Variants in KLF3 observed in about 807,000 individuals in gnomAD.
KLF3 encodes KLF transcription factor 3, also known as Krueppel-like factor 3.
A neutral mutation model predicts 32.7 loss-of-function variants in KLF3; 6 were observed. The ratio of observed to expected loss-of-function variants is 0.18; its 90% CI spans 0.10 to 0.36. The LOEUF is 0.36. KLF3 is among the 10% of genes least tolerant of loss of function. The pLI, the probability that KLF3 is intolerant of heterozygous loss-of-function variation, is 1.00. For synonymous variants in KLF3, 145 were observed against 172.8 expected (o/e 0.84, Z 1.26); for missense variants, 338 against 449.7 (o/e 0.75, Z 2.25).
intron 1 of KLF3, among the ~76,000 whole-genome samples, chr4:38,666,870 CTA>C (rs1560411950): frequency 6.6e-6 from 1 of 152,034 alleles, no homozygotes; most frequent in African/African-American, 2.4e-5. Flanking sequence ...CAGCAGTGCT[CTA>C]TCTTTTTTCC....
Position 38,693,053 on chromosome 4 carries a change from CAT to C in KLF3, c.696-1682_696-1681del, listed in dbSNP as rs557763955. Reference sequence around the variant, plus strand: ...TTTGCTGTGTTCTCTGCTGTTTGCACATATATATATATGTATATATATACACA... The same window carrying C: ...TTTGCTGTGTTCTCTGCTGTTTGCACATATATATATGTATATATATACACA... On this transcript the variant is annotated intron_variant, in intron 4 of 5. Coordinates refer to ENST00000261438, the MANE Select transcript of KLF3 (RefSeq NM_016531.6). Among the ~76,000 whole-genome samples the C allele has an allele frequency of 7.8e-3, 1,107 of 142,148 alleles. 12 individuals are homozygous for C. Among genetic ancestry groups the C allele is most frequent in the African/African-American group, 0.022 (874 of 38,872 alleles). The allele number at this position is 142,148 out of a possible 152,430, so 93.3% of individuals were successfully genotyped here. A position where few individuals can be genotyped will look rare whatever the true frequency, so the allele number is the denominator to read the frequency against.
chr4:38,689,667 G>A (rs1282299158), intron 3 of KLF3, 62 bp from the exon 4 acceptor site: 1 of 1,256,586 alleles, frequency 8.0e-7, no homozygotes, highest in Non-Finnish European at 1.1e-6. Flanking sequence ...TATGCAGTAA[G>A]CTTTTAAAAG....
rs367856613 is a variant in KLF3 at position 38,672,233 on chromosome 4, G to T, written c.-40+7772G>T. ...GTGGAACTCCTACTATAAGCTAAGT[G>T]CTCTTATGTTAGCTCCTTAGGCTTG... On this transcript the variant is annotated intron_variant, in intron 1 of 5. Transcript: ENST00000261438. 1.8e-4 allele frequency among the ~76,000 whole-genome samples: 28 copies of T among 152,288 alleles called. No homozygotes were observed. The South Asian group carries it at 2.5e-3, about 14-fold the overall frequency.
chr4:38,690,288 G>A, intron 4 of KLF3: 1 of 161,712 alleles, frequency 6.2e-6, no homozygotes, highest in Non-Finnish European at 1.3e-5. Context: ...AGAGTGTATA[G>A]TATCCTGTAG....
chr4:38,688,312 A>G lies in KLF3; in HGVS notation c.58-273A>G, dbSNP rs894052455. On this transcript the variant is annotated intron_variant, in intron 2 of 5. Transcript: ENST00000261438. The surrounding 1 kb of genome is among the most constrained non-coding windows in gnomAD (Gnocchi z 4.9). ...ATCGGCCTTAATGTTTGACACAGGA[A>G]TCATCTTAGGATTAAATTTCAGATT... Among the ~76,000 whole-genome samples, 2 of 152,188 alleles carry G rather than the reference A, an allele frequency of 1.3e-5. No individual in the cohort carries two copies. The highest frequency in any genetic ancestry group is 2.9e-5 in the Non-Finnish European group (2 of 68,030).
rs1177828305 is a variant in KLF3 at position 38,697,555 on chromosome 4, A to G, written c.*292A>G. 1.4e-5 allele frequency: 4 copies of G among 294,248 alleles called. No homozygotes were observed. The highest frequency in any genetic ancestry group is 1.9e-5 in the Non-Finnish European group (3 of 158,538). 18.2% of individuals were successfully genotyped at this position (294,248 alleles called of 1,614,324 possible). On this transcript the variant is annotated 3_prime_UTR_variant, in exon 6 of 6. Transcript: ENST00000261438. Reference sequence around the variant, plus strand: ...ACGTTTAATGTAATAAGAACAAGGGAACATGTAAACTAACATAACCAATTG... The same window carrying G: ...ACGTTTAATGTAATAAGAACAAGGGGACATGTAAACTAACATAACCAATTG...
rs888487061 is a variant in KLF3 at position 38,671,575 on chromosome 4, G to A, written c.-40+7114G>A. Reference sequence around the variant, plus strand: ...CTATCATGTACTTACTGTTGGTGGTGTAATGTTGTCCTCTGCCTGGGGAGG... The same window carrying A: ...CTATCATGTACTTACTGTTGGTGGTATAATGTTGTCCTCTGCCTGGGGAGG... On this transcript the variant is annotated intron_variant, in intron 1 of 5. Transcript: ENST00000261438. The surrounding 1 kb of genome is among the most constrained non-coding windows in gnomAD (Gnocchi z 4.4). Among the ~76,000 whole-genome samples, 2 of 152,196 alleles carry A rather than the reference G, an allele frequency of 1.3e-5. No individual in the cohort carries two copies. The highest frequency in any genetic ancestry group is 1.3e-4 in the Admixed American group (2 of 15,286).
intron 2 of KLF3, among the ~76,000 whole-genome samples, chr4:38,685,044 T>A (rs983914066): frequency 6.6e-6 from 1 of 152,196 alleles, no homozygotes; most frequent in Non-Finnish European, 1.5e-5. Flanking sequence ...TTCATCAACA[T>A]TTGTCTCTGA....
At chr4:38,683,565 G>GT (rs397879531) in intron 2 of KLF3, among the ~76,000 whole-genome samples, 2,151 of 139,680 alleles carry the variant, frequency 0.015, 43 homozygotes, top group African/African-American at 0.043. Flanking sequence ...CCGAGCTTCT[G>GT]TTTTTTTTTT....
rs1320385818 is a variant in KLF3, at chr4:38,664,339, C to A, written c.-162C>A. Reference sequence around the variant, plus strand: ...CCGCCGCACGCGCGCCCGTCCCCGTCCCCTGCGGCCGCCAACGCCGCCCGG... The same window carrying A: ...CCGCCGCACGCGCGCCCGTCCCCGTACCCTGCGGCCGCCAACGCCGCCCGG... On this transcript the variant is annotated 5_prime_UTR_variant, in exon 1 of 6. Coordinates refer to ENST00000261438, the MANE Select transcript of KLF3 (RefSeq NM_016531.6). 2.0e-5 allele frequency: 3 copies of A among 152,154 alleles called. No individual in the cohort carries two copies. Among genetic ancestry groups the A allele is most frequent in the Non-Finnish European group, 2.9e-5 (2 of 68,012 alleles). 9.4% of individuals were successfully genotyped at this position (152,154 alleles called of 1,614,324 possible).
chr4:38,696,290 A>C (rs1263515082), intron 5 of KLF3, among the ~76,000 whole-genome samples: 2 of 152,082 alleles, frequency 1.3e-5, no homozygotes, highest in Admixed American at 1.3e-4. Context: ...AGGAATGGTA[A>C]TCCCTCAAGG....
At chr4:38,696,512 C>T (rs960134613) in intron 5 of KLF3, among the ~76,000 whole-genome samples, 14 of 152,124 alleles carry the variant, frequency 9.2e-5, no homozygotes, top group African/African-American at 3.1e-4. Context: ...GAAAACCTGG[C>T]TCAGGACAGA....
chr4:38,686,035 GA>G (rs536808888), intron 2 of KLF3, among the ~76,000 whole-genome samples: 99 of 152,276 alleles, frequency 6.5e-4, no homozygotes, highest in African/African-American at 2.4e-3. Context: ...TGGCTTTAAA[GA>G]AAGGTAGAGA....
At chr4:38,666,582 G>C (rs1459347674) in intron 1 of KLF3, among the ~76,000 whole-genome samples, 1 of 152,210 alleles carries the variant, frequency 6.6e-6, no homozygotes, top group Admixed American at 6.5e-5. Context: ...CTAGAAATTA[G>C]TACTCTGGTG....
chr4:38,701,004 ATATT>A lies in KLF3; in HGVS notation c.*3742_*3745del, dbSNP rs1184873502. The A allele has an allele frequency of 6.6e-6, 1 of 152,226 alleles. No individual in the cohort carries two copies. The highest frequency in any genetic ancestry group is 2.1e-4 in the South Asian group (1 of 4,830). 9.4% of individuals were successfully genotyped at this position (152,226 alleles called of 1,614,324 possible). A position where few individuals can be genotyped will look rare whatever the true frequency, so the allele number is the denominator to read the frequency against. On this transcript the variant is annotated 3_prime_UTR_variant, in exon 6 of 6. Coordinates refer to ENST00000261438, the MANE Select transcript of KLF3 (RefSeq NM_016531.6). ...ATATACTATATACAGTATGCAATATATATTATATACTTGTTAATAAAACCATCAG... is the reference window on the plus strand; with the variant it reads ...ATATACTATATACAGTATGCAATATAATATACTTGTTAATAAAACCATCAG...
intron 4 of KLF3, among the ~76,000 whole-genome samples, chr4:38,691,801 T>G (rs1376567697): frequency 6.6e-6 from 1 of 152,200 alleles, no homozygotes; most frequent in Non-Finnish European, 1.5e-5. Flanking sequence ...CAGATGTGAT[T>G]AAGTAACGTC....
At chr4:38,672,291 T>A (rs530844806) in intron 1 of KLF3, among the ~76,000 whole-genome samples, 1 of 152,318 alleles carries the variant, frequency 6.6e-6, no homozygotes, top group South Asian at 2.1e-4. Flanking sequence ...ACAAGCCCGA[T>A]CTCCTGTGGG....
intron 1 of KLF3, among the ~76,000 whole-genome samples, chr4:38,673,295 C>G (rs1278567765): frequency 2.0e-5 from 3 of 152,184 alleles, no homozygotes; most frequent in Non-Finnish European, 4.4e-5. Context: ...GGTGGGGCCC[C>G]ATGGGTGGAG....
At chr4:38,670,554 A>G (rs1025481142) in intron 1 of KLF3, among the ~76,000 whole-genome samples, 15 of 152,116 alleles carry the variant, frequency 9.9e-5, no homozygotes, top group Admixed American at 5.9e-4. Flanking sequence ...CCACTCCTTT[A>G]TCTGTTCCTG....
Sources: gnomAD v4.1 joint callset for allele counts (sites outside exome capture counted in the v4.1 genomes callset) on GRCh38, gnomAD v4.1.1 for gene constraint, Gnocchi (gnomAD v3.1) non-coding constraint, MANE v1.5 for transcripts, NCBI Gene and HGNC (gene_info 2026-07-23, HGNC 2026-07-21) for gene names.